The following DKK2 variants were observed in gnomAD, a reference collection of about 807,000 sequenced individuals.
The protein encoded by DKK2 is dickkopf-related protein 2.
In DKK2, 11 loss-of-function variants were observed where a neutral mutation model predicts 28.1. That is an observed-to-expected ratio of 0.39 (90% CI 0.25 to 0.65). The LOEUF (loss-of-function observed/expected upper bound fraction) is 0.65, where lower values mean the gene tolerates loss of function less well. Among genes scored for constraint, DKK2 ranks in the 30% least tolerant of loss-of-function variants. The probability of loss-of-function intolerance (pLI) is 0.47; values close to 1 mark genes in which losing one functional copy is unlikely to be tolerated. For missense variants in DKK2, 326 were observed against 335.5 expected, an observed-to-expected ratio of 0.97 and a Z score of 0.22; for synonymous variants, 135 against 126.5, an observed-to-expected ratio of 1.07 and a Z score of -0.45.
chr4:106,984,187 A>C (rs1437497094), intron 1 of DKK2, among the ~76,000 whole-genome samples: 1 of 152,190 alleles, frequency 6.6e-6, no homozygotes, highest in Non-Finnish European at 1.5e-5. Flanking sequence ...AACTTTTTAA[A>C]TTATTGTGGT....
In DKK2 at chr4:106,952,446, C is replaced by T. The variant is rs573525437; in HGVS notation, c.223-26497G>A. 2.6e-5 allele frequency among the ~76,000 whole-genome samples: 4 copies of T among 152,136 alleles called. No homozygotes were observed. The East Asian group carries it at 7.7e-4, about 29-fold the overall frequency. ...GCAGAACTTTCTTAAGCCATAGAAA[C>T]TGGCATCTTGAATTTTCCAACTTAA... On this transcript the variant is annotated intron_variant, in intron 1 of 3. Coordinates refer to ENST00000285311, the MANE Select transcript of DKK2 (RefSeq NM_014421.3).
At chr4:106,974,349 G>A (rs1578363770) in intron 1 of DKK2, among the ~76,000 whole-genome samples, 1 of 152,180 alleles carries the variant, frequency 6.6e-6, no homozygotes, top group African/African-American at 2.4e-5. Context: ...CCATTTTCAC[G>A]ATATTGATTC....
chr4:107,018,002 C>T (rs1384722634), intron 1 of DKK2, among the ~76,000 whole-genome samples: 2 of 151,832 alleles, frequency 1.3e-5, no homozygotes, highest in African/African-American at 4.8e-5. Context: ...TAGAAGTACC[C>T]AAAATTCTGA....
chr4:106,969,227 C>A (rs1722826504), intron 1 of DKK2, among the ~76,000 whole-genome samples: 1 of 151,520 alleles, frequency 6.6e-6, no homozygotes, highest in Admixed American at 6.6e-5. Flanking sequence ...AGTTTGGGAC[C>A]CCTCTTTCCT....
intron 1 of DKK2, among the ~76,000 whole-genome samples, chr4:106,972,749 TTG>T (rs1261967879): frequency 6.6e-6 from 1 of 152,150 alleles, no homozygotes; most frequent in African/African-American, 2.4e-5. Flanking sequence ...ATTAATCTTT[TTG>T]TTTTATACTT....
chr4:106,938,491 A>T lies in DKK2; in HGVS notation c.223-12542T>A, dbSNP rs563269846. On this transcript the variant is annotated intron_variant, in intron 1 of 3. Transcript: ENST00000285311. Reference sequence around the variant, plus strand: ...GGCAATAATCAATAGCTTACCAACTAAAAAGAGTCCAGGACCAGATGGATT... The same window carrying T: ...GGCAATAATCAATAGCTTACCAACTTAAAAGAGTCCAGGACCAGATGGATT... Among the ~76,000 whole-genome samples, 29 of 152,304 alleles carry T rather than the reference A, an allele frequency of 1.9e-4. No homozygotes were observed. The East Asian group carries it at 5.2e-3, about 27-fold the overall frequency.
In DKK2 at chr4:107,035,815, A is replaced by T. The variant is rs931556825; in HGVS notation, c.-224T>A. On this transcript the variant is annotated 5_prime_UTR_variant, in exon 1 of 4. Coordinates refer to ENST00000285311, the MANE Select transcript of DKK2 (RefSeq NM_014421.3). ...GCGAGACCCGCTTCTCCACCAGGAC[A>T]GGAAGTTCTGCAATAACTGGAAGCA... 8.6e-6 allele frequency: 5 copies of T among 583,812 alleles called. No homozygotes were observed. The highest frequency in any genetic ancestry group is 2.9e-5 in the East Asian group (1 of 34,978). 36.2% of individuals were successfully genotyped at this position (583,812 alleles called of 1,614,324 possible). A position where few individuals can be genotyped will look rare whatever the true frequency, so the allele number is the denominator to read the frequency against.
At chr4:107,023,049 T>C (rs1340780115) in intron 1 of DKK2, among the ~76,000 whole-genome samples, 1 of 152,112 alleles carries the variant, frequency 6.6e-6, no homozygotes, top group Non-Finnish European at 1.5e-5. Context: ...AAGGTGGATA[T>C]ATAGAACTTT....
intron 1 of DKK2, among the ~76,000 whole-genome samples, chr4:106,999,590 C>T (rs1328260815): frequency 6.6e-6 from 1 of 152,160 alleles, no homozygotes; most frequent in Admixed American, 6.5e-5. Flanking sequence ...CATGATCCAC[C>T]CGCCTTGGCC....
rs149779089 is a variant in DKK2 at position 106,925,916 on chromosome 4, C to A, written c.256G>T (p.Val86Phe). The A allele has an allele frequency of 2.5e-6, 4 of 1,613,468 alleles. No homozygotes were observed. Among genetic ancestry groups the A allele is most frequent in the Non-Finnish European group, 3.4e-6 (4 of 1,179,810 alleles). The change falls in exon 2 of 4, where the codon GTT becomes TTT. Residue 86 changes from valine to phenylalanine, a missense_variant. Physicochemically the swap from Val to Phe is conservative, Grantham distance 50. Coordinates refer to ENST00000285311, the MANE Select transcript of DKK2 (RefSeq NM_014421.3). The part of the protein sequence containing the change: ...YPCSSDKECE[V>F]GRYCHSPHQG... ...TGGGGACTGTGGCAATACCTCCCAACTTCACACTCCTTATCACTGCTACAA... is the reference window on the plus strand; with the variant it reads ...TGGGGACTGTGGCAATACCTCCCAAATTCACACTCCTTATCACTGCTACAA...
At chr4:107,002,352 G>A (rs1407011140) in intron 1 of DKK2, among the ~76,000 whole-genome samples, 1 of 152,062 alleles carries the variant, frequency 6.6e-6, no homozygotes, top group African/African-American at 2.4e-5. Flanking sequence ...TTGTTTCTGC[G>A]TTTTACTTGC....
At chr4:106,942,525 T>A (rs1724715540) in intron 1 of DKK2, among the ~76,000 whole-genome samples, 1 of 152,034 alleles carries the variant, frequency 6.6e-6, no homozygotes, top group South Asian at 2.1e-4. Context: ...GGCCTCCCAT[T>A]CCAGTAGCCT....
intron 1 of DKK2, among the ~76,000 whole-genome samples, chr4:107,008,116 C>A (rs1560590825): frequency 6.6e-6 from 1 of 152,098 alleles, no homozygotes. Flanking sequence ...TTTCTGATCA[C>A]CACCATTAAA....
intron 1 of DKK2, among the ~76,000 whole-genome samples, chr4:106,988,668 G>A (rs1723160195): frequency 6.6e-6 from 1 of 152,104 alleles, no homozygotes; most frequent in Non-Finnish European, 1.5e-5. Context: ...TGCAATGAGT[G>A]CTAACATGTG....
At chr4:107,020,275 A>C (rs1723671287) in intron 1 of DKK2, among the ~76,000 whole-genome samples, 1 of 152,088 alleles carries the variant, frequency 6.6e-6, no homozygotes, top group South Asian at 2.1e-4. Context: ...TAAAAAGACC[A>C]AAAATGTTAC....
At chr4:106,996,980 A>T (rs1578372394) in intron 1 of DKK2, among the ~76,000 whole-genome samples, 1 of 152,200 alleles carries the variant, frequency 6.6e-6, no homozygotes, top group African/African-American at 2.4e-5. Flanking sequence ...AAAGAAAAAA[A>T]GCAACTCTCA....
chr4:106,925,341 C>T (rs1033504589), intron 2 of DKK2, among the ~76,000 whole-genome samples: 1 of 152,130 alleles, frequency 6.6e-6, no homozygotes, highest in African/African-American at 2.4e-5. Flanking sequence ...TTGGATGAAG[C>T]CAGGTTGGGG....
intron 1 of DKK2, among the ~76,000 whole-genome samples, chr4:106,927,424 G>C (rs1724439990): frequency 6.6e-6 from 1 of 152,104 alleles, no homozygotes; most frequent in African/African-American, 2.4e-5. Flanking sequence ...ATGTATTTTA[G>C]CATCATTACA....
chr4:106,991,296 G>A (rs567470018), intron 1 of DKK2, among the ~76,000 whole-genome samples: 2 of 152,184 alleles, frequency 1.3e-5, no homozygotes, highest in South Asian at 2.1e-4. Flanking sequence ...CTCATAACCA[G>A]TAATCCTTCA....
Sources: allele counts gnomAD v4.1 joint callset (sites outside exome capture counted in the v4.1 genomes callset), GRCh38; gene constraint gnomAD v4.1.1; transcripts MANE v1.5; gene names NCBI Gene and HGNC (gene_info 2026-07-23, HGNC 2026-07-21).